The following CCDC69 variants were observed in gnomAD, a reference collection of about 807,000 sequenced individuals.
CCDC69 encodes coiled-coil domain containing 69.
Under a neutral mutation model 40.3 loss-of-function variants are expected in CCDC69, and 38 were observed. That is an observed-to-expected ratio of 0.94 (90% CI 0.73 to 1.24). The LOEUF is 1.24. Ranked by LOEUF, CCDC69 falls within the 50% of genes most tolerant of loss-of-function variation. The pLI, the probability that CCDC69 is intolerant of heterozygous loss-of-function variation, is 0.00. For missense variants in CCDC69, 389 were observed against 357.9 expected, an observed-to-expected ratio of 1.09 and a Z score of -0.70; for synonymous variants, 141 against 138.9, an observed-to-expected ratio of 1.02 and a Z score of -0.11.
rs114290039 is a variant in CCDC69 at position 151,205,420 on chromosome 5, C to A, written c.104G>T (p.Gly35Val). 15 of 1,613,922 alleles carry A rather than the reference C, an allele frequency of 9.3e-6. No individual in the cohort carries two copies. The highest frequency in any genetic ancestry group is 3.3e-5 in the South Asian group (3 of 91,064). Residue 35 changes from glycine (G) to valine (V), a missense_variant, in exon 2 of 9, where the codon GGT becomes GTT. By Grantham distance (109) the Gly-to-Val change is moderately radical. Coordinates refer to ENST00000355417, the MANE Select transcript of CCDC69 (RefSeq NM_015621.3). ...QPPRPEPHEL[G>V]PLNGDTAITV... Reference sequence around the variant, plus strand: ...CTCACCTGTGTCCCCATTGAGGGGACCTAATTCATGGGGCTCTGGTCTGGG... The same window carrying A: ...CTCACCTGTGTCCCCATTGAGGGGAACTAATTCATGGGGCTCTGGTCTGGG...
At chr5:151,199,726 G>A (rs1252949649) in intron 3 of CCDC69, among the ~76,000 whole-genome samples, 1 of 152,042 alleles carries the variant, frequency 6.6e-6, no homozygotes, top group Non-Finnish European at 1.5e-5. Flanking sequence ...TATAATGAAG[G>A]GACTCAACTT....
chr5:151,183,518 G>A lies in CCDC69; in HGVS notation c.810C>T (p.Tyr270=), dbSNP rs1766674938. Residue 270 remains tyrosine (Y), a synonymous_variant, in exon 9 of 9, where the codon TAC becomes TAT. Transcript: ENST00000355417. ...QLQQEKEELL[Y]RVLGANASPA... ...GCGAGGCATTGGCCCCAAGGACCCG[G>A]TACAACAGCTCCTCCTTCTCCTGCT... is the stretch of plus-strand genomic sequence containing the variant. 6.2e-7 allele frequency: 1 copy of A among 1,609,228 alleles called. No individual in the cohort carries two copies. Among genetic ancestry groups the A allele is most frequent in the Non-Finnish European group, 8.5e-7 (1 of 1,178,450 alleles).
At chr5:151,212,330 C>A (rs1419506825) in intron 1 of CCDC69, 1 of 162,062 alleles carries the variant, frequency 6.2e-6, no homozygotes. Context: ...CTCTTCAGTC[C>A]TCCTGAGCTC....
intron 2 of CCDC69, among the ~76,000 whole-genome samples, chr5:151,203,615 T>G (rs1362826741): frequency 7.6e-6 from 1 of 131,428 alleles, no homozygotes; most frequent in African/African-American, 3.5e-5. Context: ...AATATATATA[T>G]TTAGTTATAT....
intron 8 of CCDC69, among the ~76,000 whole-genome samples, 172 bp from the exon 9 acceptor site, chr5:151,183,786 G>A (rs571816115): frequency 7.9e-5 from 12 of 152,304 alleles, no homozygotes; most frequent in East Asian, 3.9e-4. Flanking sequence ...ACCAAGGAGC[G>A]GGGGCCTCAC....
At chr5:151,184,724 C>G (rs1028045208) in intron 7 of CCDC69, 4 of 318,686 alleles carry the variant, frequency 1.3e-5, no homozygotes, top group African/African-American at 2.1e-5. Context: ...CTCCAAAAGT[C>G]AGAAGGATAT....
At chr5:151,185,995 G>A in intron 6 of CCDC69, 28 bp downstream of exon 6, 3 of 1,537,848 alleles carry the variant, frequency 2.0e-6, no homozygotes, top group Non-Finnish European at 2.7e-6. Flanking sequence ...ATTCAAGGAG[G>A]AAAAGCGCCC....
At position 151,185,404 on chromosome 5, in the gene CCDC69, C is replaced by T; in HGVS notation, c.615+18G>A. ...GGGAGCCTGAGGCTGCATCCCCCAGCCACTCCCAGTCACAGACCACTGTTT... is the reference window on the plus strand; with the variant it reads ...GGGAGCCTGAGGCTGCATCCCCCAGTCACTCCCAGTCACAGACCACTGTTT... On this transcript the variant is annotated intron_variant, in intron 7 of 8. Transcript: ENST00000355417. The T allele has an allele frequency of 1.2e-6, 2 of 1,612,962 alleles. No homozygotes were observed. Among genetic ancestry groups the T allele is most frequent in the Non-Finnish European group, 1.7e-6 (2 of 1,179,248 alleles).
Position 151,224,068 on chromosome 5 carries a change from G to A in CCDC69, c.-98C>T. On this transcript the variant is annotated 5_prime_UTR_variant, in exon 1 of 9. Coordinates refer to ENST00000355417, the MANE Select transcript of CCDC69 (RefSeq NM_015621.3). Reference sequence around the variant, plus strand: ...CTGCCCGCTCCGCGCCCGCCGGCTGGGGCTGCCGGCGAGACCCTGAAACTG... The same window carrying A: ...CTGCCCGCTCCGCGCCCGCCGGCTGAGGCTGCCGGCGAGACCCTGAAACTG... 2.7e-6 allele frequency: 3 copies of A among 1,121,054 alleles called. No homozygotes were observed. Among genetic ancestry groups the A allele is most frequent in the African/African-American group, 1.7e-5 (1 of 60,368 alleles). The allele number at this position is 1,121,054 out of a possible 1,614,324, so 69.4% of individuals were successfully genotyped here.
intron 1 of CCDC69, among the ~76,000 whole-genome samples, chr5:151,214,571 C>G (rs1480078319): frequency 6.6e-6 from 1 of 152,124 alleles, no homozygotes; most frequent in African/African-American, 2.4e-5. Context: ...TTAATTCATC[C>G]CCTTCATATC....
intron 1 of CCDC69, among the ~76,000 whole-genome samples, chr5:151,208,584 C>T (rs543218998): frequency 6.6e-6 from 1 of 152,340 alleles, no homozygotes; most frequent in South Asian, 2.1e-4. Context: ...CTCAATCCTC[C>T]CTTTCCAGGG....
intron 7 of CCDC69, 67 bp from the exon 8 acceptor site, chr5:151,184,508 C>T: frequency 1.0e-6 from 1 of 971,038 alleles, no homozygotes; most frequent in Admixed American, 1.9e-5. Flanking sequence ...CTGTCACCTC[C>T]CTCTTATCTG....
At chr5:151,185,867 C>T (rs768002401) in intron 6 of CCDC69, among the ~76,000 whole-genome samples, 156 bp downstream of exon 6, 4 of 152,132 alleles carry the variant, frequency 2.6e-5, no homozygotes, top group Non-Finnish European at 2.9e-5. Flanking sequence ...ATTTTCCCAT[C>T]GGTGAAATGG....
At chr5:151,188,761 T>G (rs1446918350) in intron 4 of CCDC69, among the ~76,000 whole-genome samples, 3 of 152,178 alleles carry the variant, frequency 2.0e-5, no homozygotes, top group African/African-American at 7.2e-5. Flanking sequence ...TGGCCTAATT[T>G]GTTAATTTGC....
intron 1 of CCDC69, among the ~76,000 whole-genome samples, chr5:151,213,953 A>T (rs1444480191): frequency 6.6e-6 from 1 of 152,174 alleles, no homozygotes; most frequent in Non-Finnish European, 1.5e-5. Flanking sequence ...AACCCAGAGC[A>T]GGGTTGGAAG....
chr5:151,201,823 G>A, intron 2 of CCDC69, 135 bp from the exon 3 acceptor site: 1 of 538,750 alleles, frequency 1.9e-6, no homozygotes. Context: ...ATGATTTCGG[G>A]TGGGACCAGT....
rs764731224 is a variant in CCDC69, at chr5:151,183,334, G to C, written c.*103C>G. 513 of 1,335,974 alleles carry C rather than the reference G, an allele frequency of 3.8e-4. 1 individual carries two copies. Among genetic ancestry groups the C allele is most frequent in the Non-Finnish European group, 4.3e-4 (406 of 950,778 alleles). The allele number at this position is 1,335,974 out of a possible 1,614,324, so 82.8% of individuals were successfully genotyped here. A position where few individuals can be genotyped will look rare whatever the true frequency, so the allele number is the denominator to read the frequency against. Reference sequence around the variant, plus strand: ...GGATCTCCATCTCGCTCCCACCCTCGTTCCTTCCTGGAAAAGAACTGAGAG... The same window carrying C: ...GGATCTCCATCTCGCTCCCACCCTCCTTCCTTCCTGGAAAAGAACTGAGAG... On this transcript the variant is annotated 3_prime_UTR_variant, in exon 9 of 9. Transcript: ENST00000355417.
At chr5:151,189,830 A>C (rs551613747) in intron 4 of CCDC69, among the ~76,000 whole-genome samples, 4 of 152,312 alleles carry the variant, frequency 2.6e-5, no homozygotes, top group African/African-American at 9.6e-5. Context: ...AAAAATTTAA[A>C]AACTGCTGGA....
At chr5:151,205,353 G>A (rs767854362) in intron 2 of CCDC69, 47 bp downstream of exon 2, 20 of 1,393,948 alleles carry the variant, frequency 1.4e-5, no homozygotes, top group Non-Finnish European at 2.0e-5. Context: ...TATAAGGTAG[G>A]AACCTCACAG....
Sources: allele counts gnomAD v4.1 joint callset (sites outside exome capture counted in the v4.1 genomes callset), GRCh38; gene constraint gnomAD v4.1.1; transcripts MANE v1.5; gene names NCBI Gene and HGNC (gene_info 2026-07-23, HGNC 2026-07-21).